GALNT7: variants seen among roughly 807,000 people sequenced by gnomAD.
GALNT7 encodes polypeptide N-acetylgalactosaminyltransferase 7.
GALNT7 carries 60 observed loss-of-function variants against 82.1 expected under a neutral mutation model. The observed-to-expected ratio is 0.73, with a 90% CI of 0.59 to 0.91. The LOEUF (loss-of-function observed/expected upper bound fraction) is 0.91, where lower values mean the gene tolerates loss of function less well. Among genes scored for constraint, GALNT7 ranks in the 40% least tolerant of loss-of-function variants. The probability of loss-of-function intolerance (pLI) is 0.00; values close to 1 mark genes in which losing one functional copy is unlikely to be tolerated. For missense variants in GALNT7, 660 were observed against 804.2 expected (o/e 0.82, Z 2.17); for synonymous variants, 243 against 275.1 (o/e 0.88, Z 1.15).
intron 1 of GALNT7, among the ~76,000 whole-genome samples, chr4:173,213,953 T>G (rs1733361202): frequency 6.6e-6 from 1 of 152,188 alleles, no homozygotes; most frequent in Non-Finnish European, 1.5e-5. Flanking sequence ...CTGAGGGCTT[T>G]TAGATAGACT....
chr4:173,303,994 A>T lies in GALNT7; in HGVS notation c.1267-2A>T. ...CTTTCACAACGTGTTTTTCCTTCAT[A>T]GATATGGCAGTGTGGTGGCAAATTA... On this transcript the variant is annotated splice_acceptor_variant, in intron 7 of 11. Coordinates refer to ENST00000265000, the MANE Select transcript of GALNT7 (RefSeq NM_017423.3). LOFTEE classifies it high-confidence loss of function. 6.2e-7 allele frequency: 1 copy of T among 1,603,406 alleles called. No individual in the cohort carries two copies. The highest frequency in any genetic ancestry group is 8.5e-7 in the Non-Finnish European group (1 of 1,175,338).
At chr4:173,270,314 C>T (rs1275536756) in intron 2 of GALNT7, among the ~76,000 whole-genome samples, 2 of 152,070 alleles carry the variant, frequency 1.3e-5, no homozygotes, top group East Asian at 3.9e-4. Flanking sequence ...CATTAGGTAC[C>T]TGAGGGATTC....
At chr4:173,287,330 C>T (rs1736361621) in intron 2 of GALNT7, among the ~76,000 whole-genome samples, 1 of 152,254 alleles carries the variant, frequency 6.6e-6, no homozygotes, top group Non-Finnish European at 1.5e-5. Flanking sequence ...CTTGCTTCTC[C>T]ATCCCTGGAA....
At chr4:173,297,965 C>G in intron 5 of GALNT7, 150 bp from the exon 6 acceptor site, 1 of 1,480,376 alleles carries the variant, frequency 6.8e-7, no homozygotes, top group Non-Finnish European at 8.9e-7. Context: ...AAACATAAAA[C>G]TGAACCTTAT....
intron 1 of GALNT7, among the ~76,000 whole-genome samples, chr4:173,196,780 A>T (rs1200032812): frequency 6.6e-6 from 1 of 152,160 alleles, no homozygotes; most frequent in African/African-American, 2.4e-5. Flanking sequence ...CTTATAAATG[A>T]CAACATGTGA....
intron 6 of GALNT7, among the ~76,000 whole-genome samples, chr4:173,298,920 T>G (rs1736816631): frequency 6.6e-6 from 1 of 152,268 alleles, no homozygotes; most frequent in Admixed American, 6.5e-5. Context: ...TATTCAAAAA[T>G]CAGCTTTTGT....
intron 1 of GALNT7, among the ~76,000 whole-genome samples, chr4:173,233,814 A>G (rs1305420874): frequency 6.6e-6 from 1 of 152,216 alleles, no homozygotes; most frequent in South Asian, 2.1e-4. Context: ...GCTTTTAAAA[A>G]TCTTCAAGCT....
rs147152389 is a variant in GALNT7, at chr4:173,203,057, C to G, written c.126+34096C>G. Among the ~76,000 whole-genome samples the G allele has an allele frequency of 1.6e-3, 242 of 150,308 alleles. 1 individual carries two copies. The highest frequency in any genetic ancestry group is 0.01 in the Middle Eastern group (3 of 292). ...TTTCTTTACTTTCCGTCTATGTGTC[C>G]TTACAGGTGAAGCGAATCTGTTATG... On this transcript the variant is annotated intron_variant, in intron 1 of 11. Coordinates refer to ENST00000265000, the MANE Select transcript of GALNT7 (RefSeq NM_017423.3).
intron 1 of GALNT7, among the ~76,000 whole-genome samples, chr4:173,215,625 C>T (rs1733420429): frequency 1.3e-5 from 2 of 152,144 alleles, no homozygotes; most frequent in African/African-American, 2.4e-5. Flanking sequence ...ACCCTAAGAC[C>T]TAGCCTGACT....
chr4:173,235,055 C>T (rs543078053), intron 1 of GALNT7, among the ~76,000 whole-genome samples: 2 of 152,236 alleles, frequency 1.3e-5, no homozygotes, highest in South Asian at 4.2e-4. Flanking sequence ...TACAAATGGG[C>T]GAAGACACTA....
At chr4:173,229,474 A>G (rs1035870108) in intron 1 of GALNT7, among the ~76,000 whole-genome samples, 1 of 152,226 alleles carries the variant, frequency 6.6e-6, no homozygotes, top group Non-Finnish European at 1.5e-5. Flanking sequence ...TAGAAATTCT[A>G]GTTAAGGATA....
chr4:173,193,050 G>T (rs1418856089), intron 1 of GALNT7, among the ~76,000 whole-genome samples: 1 of 152,210 alleles, frequency 6.6e-6, no homozygotes, highest in African/African-American at 2.4e-5. Flanking sequence ...AAGGAAGCCA[G>T]TCTATAGAGA....
intron 6 of GALNT7, 38 bp downstream of exon 6, chr4:173,298,335 A>G (rs370996129): frequency 1.3e-5 from 18 of 1,380,574 alleles, no homozygotes; most frequent in African/African-American, 5.8e-5. Flanking sequence ...TCTTTTCTCC[A>G]GTTGCTGCTA....
At chr4:173,196,804 G>C (rs1274058667) in intron 1 of GALNT7, among the ~76,000 whole-genome samples, 2 of 152,106 alleles carry the variant, frequency 1.3e-5, no homozygotes, top group African/African-American at 4.8e-5. Flanking sequence ...TTGGTTTTCT[G>C]GGTAACATGA....
chr4:173,294,226 A>T (rs1736637753), intron 3 of GALNT7, among the ~76,000 whole-genome samples: 1 of 152,130 alleles, frequency 6.6e-6, no homozygotes, highest in South Asian at 2.1e-4. Flanking sequence ...AAAAGGCTTT[A>T]AAAAAATAAT....
chr4:173,177,104 C>G (rs1201954280), intron 1 of GALNT7, among the ~76,000 whole-genome samples: 3 of 152,170 alleles, frequency 2.0e-5, no homozygotes, highest in Non-Finnish European at 4.4e-5. Context: ...TCTCAAACTT[C>G]TTTAGGCTTC....
At chr4:173,313,398 A>G (rs1737462112) in intron 8 of GALNT7, among the ~76,000 whole-genome samples, 1 of 139,046 alleles carries the variant, frequency 7.2e-6, no homozygotes, top group South Asian at 2.4e-4. Context: ...ATGAGACTCC[A>G]TCTACACAAA....
chr4:173,261,137 C>T (rs1735241635), intron 2 of GALNT7, among the ~76,000 whole-genome samples: 1 of 152,192 alleles, frequency 6.6e-6, no homozygotes, highest in African/African-American at 2.4e-5. Flanking sequence ...GCAATCCACT[C>T]ATTCCAGTTT....
At chr4:173,293,904 C>T (rs142884659) in intron 3 of GALNT7, among the ~76,000 whole-genome samples, 1 of 152,178 alleles carries the variant, frequency 6.6e-6, no homozygotes, top group South Asian at 2.1e-4. Context: ...TGCTTCTATG[C>T]GTGTGACTGA....
Sources: gnomAD v4.1 joint callset for allele counts (sites outside exome capture counted in the v4.1 genomes callset) on GRCh38, gnomAD v4.1.1 for gene constraint, MANE v1.5 for transcripts, NCBI Gene and HGNC (gene_info 2026-07-23, HGNC 2026-07-21) for gene names.